Variants in PXT1 observed in about 807,000 individuals in gnomAD.
PXT1 encodes peroxisomal testis-specific protein 1.
PXT1 carries 11 observed loss-of-function variants against 11.0 expected under a neutral mutation model. The observed-to-expected ratio is 1.00, with a 90% CI of 0.63 to 1.66. The LOEUF is 1.66. PXT1 is among the 40% of genes most tolerant of loss of function. The pLI is 0.00. For synonymous variants in PXT1, 43 were observed against 51.4 expected (o/e 0.84, Z 0.70); for missense variants, 141 against 155.5 (o/e 0.91, Z 0.49).
chr6:36,423,071 T>G (rs1389463306), intron 3 of PXT1, among the ~76,000 whole-genome samples: 3 of 152,234 alleles, frequency 2.0e-5, no homozygotes, highest in African/African-American at 7.2e-5. Context: ...AAAAATTATG[T>G]ATTTTCCCCC....
chr6:36,429,785 G>A (rs185713233), intron 2 of PXT1, among the ~76,000 whole-genome samples: 398 of 151,664 alleles, frequency 2.6e-3, no homozygotes, highest in African/African-American at 9.0e-3. Flanking sequence ...GATTACAGGC[G>A]TGAGCCACCA....
intron 1 of PXT1, among the ~76,000 whole-genome samples, chr6:36,439,575 TG>T (rs1332254520): frequency 2.0e-5 from 3 of 149,934 alleles, no homozygotes; most frequent in African/African-American, 4.9e-5. Context: ...ATCACGCCAT[TG>T]CACTCAAGCC....
intron 3 of PXT1, among the ~76,000 whole-genome samples, chr6:36,421,313 T>C (rs1774522185): frequency 6.6e-6 from 1 of 151,920 alleles, no homozygotes; most frequent in African/African-American, 2.4e-5. Context: ...AACAAAAAAT[T>C]AGCTGGGCCT....
At chr6:36,410,823 C>G (rs887164810) in intron 3 of PXT1, among the ~76,000 whole-genome samples, 1 of 152,190 alleles carries the variant, frequency 6.6e-6, no homozygotes, top group Non-Finnish European at 1.5e-5. Flanking sequence ...TATGCACCAT[C>G]TGAGTCTCCA....
chr6:36,433,015 T>C (rs773988843), intron 2 of PXT1, among the ~76,000 whole-genome samples: 29 of 152,154 alleles, frequency 1.9e-4, no homozygotes, highest in Non-Finnish European at 8.8e-5. Flanking sequence ...ATTCTTTCAA[T>C]TGATAAGACT....
At chr6:36,404,696 G>A (rs1012052644) in intron 3 of PXT1, among the ~76,000 whole-genome samples, 16 of 151,462 alleles carry the variant, frequency 1.1e-4, no homozygotes, top group East Asian at 3.9e-4. Context: ...AGTGGCTCAC[G>A]CCTGTAATCC....
chr6:36,422,872 CT>C (rs1774542223), intron 3 of PXT1, among the ~76,000 whole-genome samples: 1 of 152,172 alleles, frequency 6.6e-6, no homozygotes, highest in Admixed American at 6.5e-5. Flanking sequence ...AATTATTACA[CT>C]TCTGCCCCTT....
chr6:36,403,649 A>G (rs560250853), intron 3 of PXT1, among the ~76,000 whole-genome samples: 1 of 152,290 alleles, frequency 6.6e-6, no homozygotes, highest in African/African-American at 2.4e-5. Context: ...CAAGGCAGGC[A>G]GATTGCCTGA....
chr6:36,419,203 A>T (rs1774490851), intron 3 of PXT1, among the ~76,000 whole-genome samples: 1 of 152,226 alleles, frequency 6.6e-6, no homozygotes, highest in South Asian at 2.1e-4. Context: ...ATCAAATGGG[A>T]AGACTGAACA....
At chr6:36,441,637 T>G (rs936921826) in intron 1 of PXT1, among the ~76,000 whole-genome samples, 4 of 152,130 alleles carry the variant, frequency 2.6e-5, no homozygotes, top group Non-Finnish European at 5.9e-5. Context: ...GAGACTGACT[T>G]ACAGATGACG....
chr6:36,417,065 G>T (rs1582261393), intron 3 of PXT1, among the ~76,000 whole-genome samples: 1 of 152,204 alleles, frequency 6.6e-6, no homozygotes, highest in East Asian at 1.9e-4. Flanking sequence ...TAACTTAACG[G>T]CCGGGCACAG....
chr6:36,415,349 T>C (rs1438038825), intron 3 of PXT1, among the ~76,000 whole-genome samples: 1 of 151,936 alleles, frequency 6.6e-6, no homozygotes, highest in East Asian at 1.9e-4. Flanking sequence ...GGTGCTGAGG[T>C]AGAAGAATTA....
intron 2 of PXT1, among the ~76,000 whole-genome samples, chr6:36,436,594 T>G (rs1384888071): frequency 6.6e-6 from 1 of 152,176 alleles, no homozygotes; most frequent in Non-Finnish European, 1.5e-5. Flanking sequence ...GGGGGAGGGA[T>G]GCAATGGCAG....
chr6:36,405,890 A>G (rs1304155798), intron 3 of PXT1, among the ~76,000 whole-genome samples: 1 of 152,228 alleles, frequency 6.6e-6, no homozygotes, highest in Non-Finnish European at 1.5e-5. Flanking sequence ...TTTGTAGCCT[A>G]GGAGCAACAG....
chr6:36,427,278 G>C (rs1051740479), intron 2 of PXT1, among the ~76,000 whole-genome samples: 2 of 152,122 alleles, frequency 1.3e-5, no homozygotes, highest in African/African-American at 2.4e-5. Context: ...TGGGATTACA[G>C]GTGTGAGCCA....
chr6:36,439,199 T>C (rs1774818589), intron 1 of PXT1, among the ~76,000 whole-genome samples: 1 of 149,368 alleles, frequency 6.7e-6, no homozygotes. Flanking sequence ...GGTTTCACCA[T>C]GTTGGACAGG....
chr6:36,399,051 A>G (rs1410044260), intron 4 of PXT1, among the ~76,000 whole-genome samples: 1 of 152,206 alleles, frequency 6.6e-6, no homozygotes. Flanking sequence ...AAATTGGCTT[A>G]TCAAATAGTT....
intron 3 of PXT1, among the ~76,000 whole-genome samples, chr6:36,414,050 T>C (rs1774413507): frequency 6.6e-6 from 1 of 152,198 alleles, no homozygotes; most frequent in South Asian, 2.1e-4. Context: ...ATGAAGACAT[T>C]TGCACACATG....
At chr6:36,410,930 G>A (rs1774363596) in intron 3 of PXT1, among the ~76,000 whole-genome samples, 1 of 152,120 alleles carries the variant, frequency 6.6e-6, no homozygotes, top group African/African-American at 2.4e-5. Flanking sequence ...TATTAACTAT[G>A]TAACCTGCCA....
Sources: gnomAD v4.1 joint callset for allele counts (sites outside exome capture counted in the v4.1 genomes callset) on GRCh38, gnomAD v4.1.1 for gene constraint, MANE v1.5 for transcripts, NCBI Gene and HGNC (gene_info 2026-07-23, HGNC 2026-07-21) for gene names.